KBTBD3: variants seen among roughly 807,000 people sequenced by gnomAD.
KBTBD3 encodes kelch repeat and BTB domain containing 3.
KBTBD3 carries 38 observed loss-of-function variants against 49.6 expected under a neutral mutation model. That is an observed-to-expected ratio of 0.77 (90% CI 0.59 to 1.00). The LOEUF is 1.00. Ranked by LOEUF, KBTBD3 falls within the 50% of genes least tolerant of loss-of-function variation. The pLI is 0.00. For missense variants in KBTBD3, 661 were observed against 712.0 expected, an observed-to-expected ratio of 0.93 and a Z score of 0.81; for synonymous variants, 214 against 250.4, an observed-to-expected ratio of 0.85 and a Z score of 1.37.
chr11:106,064,058 A>G (rs1041012448), intron 2 of KBTBD3, among the ~76,000 whole-genome samples: 2 of 152,236 alleles, frequency 1.3e-5, no homozygotes, highest in African/African-American at 4.8e-5. Context: ...TTACACTTAT[A>G]AAATGGTGGA....
chr11:106,052,257 C>T lies in KBTBD3; in HGVS notation c.*593G>A, dbSNP rs1860432962. ...AGCAATTTTTAAAGCATTTAAGTAA[C>T]TGCTAATGGCATTATAACATGGTAC... On this transcript the variant is annotated 3_prime_UTR_variant, in exon 4 of 4. Coordinates refer to ENST00000531837, the MANE Select transcript of KBTBD3 (RefSeq NM_198439.3). 6.6e-6 allele frequency: 1 copy of T among 151,584 alleles called. No individual in the cohort carries two copies. The highest frequency in any genetic ancestry group is 2.4e-5 in the African/African-American group (1 of 41,278). The allele number at this position is 151,584 out of a possible 1,614,324, so 9.4% of individuals were successfully genotyped here. A position where few individuals can be genotyped will look rare whatever the true frequency, so the allele number is the denominator to read the frequency against.
At chr11:106,059,800 C>A (rs1465557903) in intron 2 of KBTBD3, among the ~76,000 whole-genome samples, 2 of 152,222 alleles carry the variant, frequency 1.3e-5, no homozygotes, top group Admixed American at 1.3e-4. Context: ...GCAAATTCAG[C>A]TCTAAACATA....
chr11:106,072,392 G>A (rs1860936511), intron 2 of KBTBD3, among the ~76,000 whole-genome samples: 2 of 152,224 alleles, frequency 1.3e-5, no homozygotes, highest in African/African-American at 4.8e-5. Context: ...CTCTTTGCAT[G>A]AGTAGAAAAA....
At chr11:106,058,421 G>A (rs1264355677) in intron 3 of KBTBD3, among the ~76,000 whole-genome samples, 2 of 151,436 alleles carry the variant, frequency 1.3e-5, no homozygotes, top group Non-Finnish European at 2.9e-5. Flanking sequence ...GTTCTAATTA[G>A]GTTTTTTGTT....
Position 106,053,019 on chromosome 11 carries a change from C to A in KBTBD3, c.1670G>T (p.Gly557Val). The change falls in exon 4 of 4, where the codon GGT (glycine) becomes GTT (valine). Residue 557 changes from glycine to valine, a missense_variant. Transcript: ENST00000531837. ...IGIEDKIYIL[G>V]GDYAPDEITD... ...GATTTCATCTGGTGCATAATCACCA[C>A]CTAATATATAAATTTTATCTTCAAT... 6.2e-7 allele frequency: 1 copy of A among 1,613,586 alleles called. No individual in the cohort carries two copies. The highest frequency in any genetic ancestry group is 8.5e-7 in the Non-Finnish European group (1 of 1,179,670).
intron 2 of KBTBD3, among the ~76,000 whole-genome samples, chr11:106,064,364 G>A (rs887557101): frequency 8.6e-5 from 13 of 151,874 alleles, no homozygotes; most frequent in African/African-American, 3.1e-4. Flanking sequence ...TGGCCAAAAT[G>A]GTGAAACCCC....
chr11:106,070,293 T>TA (rs559064599), intron 2 of KBTBD3, among the ~76,000 whole-genome samples: 75 of 152,070 alleles, frequency 4.9e-4, no homozygotes, highest in African/African-American at 1.7e-3. Flanking sequence ...GAAAGTCCCT[T>TA]TATTTAAGAG....
intron 2 of KBTBD3, among the ~76,000 whole-genome samples, chr11:106,061,825 A>G (rs902711946): frequency 6.6e-6 from 1 of 151,980 alleles, no homozygotes; most frequent in Non-Finnish European, 1.5e-5. Context: ...ATATAGTAAA[A>G]ATACCTATAC....
chr11:106,058,200 C>T (rs796889499), intron 3 of KBTBD3: 14 of 318,728 alleles, frequency 4.4e-5, no homozygotes, highest in Non-Finnish European at 7.4e-5. Context: ...CTGGCTAACA[C>T]GGTGAAACCC....
intron 2 of KBTBD3, among the ~76,000 whole-genome samples, chr11:106,073,632 T>G (rs1371637862): frequency 6.6e-6 from 1 of 152,182 alleles, no homozygotes; most frequent in East Asian, 1.9e-4. Context: ...AAGTGTCATT[T>G]GAGAATTGAA....
At chr11:106,073,730 C>T (rs532788877) in intron 2 of KBTBD3, among the ~76,000 whole-genome samples, 17 of 152,174 alleles carry the variant, frequency 1.1e-4, no homozygotes, top group African/African-American at 3.9e-4. Flanking sequence ...AAATTAAAGG[C>T]GGCCAGTGTG....
Position 106,053,891 on chromosome 11 carries a change from G to A in KBTBD3, c.798C>T (p.Asn266=). 6.2e-7 allele frequency: 1 copy of A among 1,613,950 alleles called. No homozygotes were observed. Among genetic ancestry groups the A allele is most frequent in the Non-Finnish European group, 8.5e-7 (1 of 1,179,878 alleles). The part of the protein sequence containing the change: ...FNEESLLKST[N]CFDIIMDAIK... ...TTGCATCCATGATTATGTCAAAACA[G>A]TTTGTGCTTTTGAGTAAACTCTCTT... The change falls in exon 4 of 4, where the codon AAC becomes AAT. Residue 266 remains asparagine, a synonymous_variant. Transcript: ENST00000531837.
At chr11:106,054,767 T>G (rs1291623976) in intron 3 of KBTBD3, among the ~76,000 whole-genome samples, 2 of 152,096 alleles carry the variant, frequency 1.3e-5, no homozygotes, top group Non-Finnish European at 2.9e-5. Flanking sequence ...AAAATCTTGC[T>G]GATGGCCAAA....
chr11:106,076,911 A>G (rs1861042066), intron 1 of KBTBD3, among the ~76,000 whole-genome samples: 1 of 152,216 alleles, frequency 6.6e-6, no homozygotes, highest in Non-Finnish European at 1.5e-5. Context: ...GGGTCGCTTC[A>G]TCGCCCCAAA....
At position 106,053,949 on chromosome 11, in the gene KBTBD3, G is replaced by A; in HGVS notation, c.740C>T (p.Ser247Phe). 6.2e-7 allele frequency: 1 copy of A among 1,613,900 alleles called. No homozygotes were observed. Among genetic ancestry groups the A allele is most frequent in the Non-Finnish European group, 8.5e-7 (1 of 1,179,924 alleles). ...CAGACAGTCCTGAAGTGTCTCCTCA[G>A]ATAACTGATGTAATCTCACTTTTTC... is the stretch of plus-strand genomic sequence containing the variant. ...LIEKVRLHQL[S>F]EETLQDCLFN... The change falls in exon 4 of 4, where the codon TCT becomes TTT. Residue 247 changes from serine (S) to phenylalanine (F), a missense_variant. Physicochemically the swap from Ser to Phe is radical, Grantham distance 155. Transcript: ENST00000531837.
At chr11:106,073,547 G>A (rs547942511) in intron 2 of KBTBD3, among the ~76,000 whole-genome samples, 45 of 152,302 alleles carry the variant, frequency 3.0e-4, no homozygotes, top group African/African-American at 1.0e-3. Flanking sequence ...AGTAAGCAGG[G>A]AGTTGGTATG....
intron 2 of KBTBD3, among the ~76,000 whole-genome samples, chr11:106,068,983 A>C (rs1158910686): frequency 6.6e-6 from 1 of 152,176 alleles, no homozygotes; most frequent in African/African-American, 2.4e-5. Context: ...CATAAAAAGC[A>C]TTTGAAAAAA....
intron 2 of KBTBD3, among the ~76,000 whole-genome samples, chr11:106,059,419 A>G (rs1565402768): frequency 1.3e-5 from 2 of 152,194 alleles, no homozygotes. Flanking sequence ...CTACATGATT[A>G]ATATTATTAC....
chr11:106,069,638 G>A (rs1046917093), intron 2 of KBTBD3, among the ~76,000 whole-genome samples: 4 of 151,614 alleles, frequency 2.6e-5, no homozygotes, highest in South Asian at 4.1e-4. Context: ...GACATGCCAT[G>A]TCTGCAAATT....
Sources: gnomAD v4.1 joint callset for allele counts (sites outside exome capture counted in the v4.1 genomes callset) on GRCh38, gnomAD v4.1.1 for gene constraint, MANE v1.5 for transcripts, NCBI Gene and HGNC (gene_info 2026-07-23, HGNC 2026-07-21) for gene names.